The following CD2AP variants were observed in gnomAD, a reference collection of about 807,000 sequenced individuals.
CD2AP encodes the protein CD2-associated protein.
CD2AP carries 46 observed loss-of-function variants against 85.1 expected under a neutral mutation model. That is an observed-to-expected ratio of 0.54 (90% CI 0.43 to 0.69). The LOEUF is 0.69. Ranked by LOEUF, CD2AP falls within the 30% of genes least tolerant of loss-of-function variation. The pLI, the probability that CD2AP is intolerant of heterozygous loss-of-function variation, is 0.00. For synonymous variants in CD2AP, 255 were observed against 252.9 expected (o/e 1.01, Z -0.08); for missense variants, 769 against 729.5 (o/e 1.05, Z -0.62).
At chr6:47,607,894 A>T in intron 14 of CD2AP, 33 bp from the exon 15 acceptor site, 1 of 1,425,756 alleles carries the variant, frequency 7.0e-7, no homozygotes, top group Non-Finnish European at 9.9e-7. Flanking sequence ...TCTTTGGTCT[A>T]TTATGTCTCT....
intron 4 of CD2AP, among the ~76,000 whole-genome samples, chr6:47,552,102 C>CT (rs1293190446): frequency 1.3e-5 from 2 of 151,996 alleles, no homozygotes; most frequent in Non-Finnish European, 2.9e-5. Flanking sequence ...TTACAGCCAT[C>CT]TAAGTCTGAA....
chr6:47,609,934 AG>A (rs1424298172), intron 16 of CD2AP, among the ~76,000 whole-genome samples: 1 of 152,150 alleles, frequency 6.6e-6, no homozygotes, highest in African/African-American at 2.4e-5. Flanking sequence ...CTATACATAT[AG>A]TTAACTTAGT....
chr6:47,535,607 G>A (rs1767018470), intron 3 of CD2AP, among the ~76,000 whole-genome samples: 1 of 152,150 alleles, frequency 6.6e-6, no homozygotes, highest in South Asian at 2.1e-4. Flanking sequence ...GTTTCTCAAG[G>A]AAATACAATA....
intron 1 of CD2AP, among the ~76,000 whole-genome samples, chr6:47,500,878 G>C (rs1199324210): frequency 6.6e-6 from 1 of 151,970 alleles, no homozygotes; most frequent in African/African-American, 2.4e-5. Flanking sequence ...CTCCTGAGTA[G>C]CTGGGACTAC....
intron 2 of CD2AP, among the ~76,000 whole-genome samples, chr6:47,505,551 C>T (rs1284680923): frequency 6.8e-5 from 10 of 147,988 alleles, no homozygotes; most frequent in South Asian, 2.2e-4. Flanking sequence ...GGGCACACCT[C>T]CCAGACGGGG....
intron 3 of CD2AP, among the ~76,000 whole-genome samples, chr6:47,540,525 G>GT (rs1181943315): frequency 6.6e-6 from 1 of 151,888 alleles, no homozygotes; most frequent in Non-Finnish European, 1.5e-5. Flanking sequence ...CTATTTAGAT[G>GT]TTTTTATCTA....
chr6:47,562,491 A>G (rs924245234), intron 5 of CD2AP: 3 of 209,142 alleles, frequency 1.4e-5, no homozygotes, highest in African/African-American at 6.8e-5. Flanking sequence ...AATTATAGTA[A>G]TAATTTTTAA....
At position 47,478,032 on chromosome 6, in the gene CD2AP, G is replaced by A. The variant is rs1765346739; in HGVS notation, c.-213G>A. ...GGGAGGCCAGGGGTGAGGAGCTGTC[G>A]CCGCCTTTGCCTCTGCCTCGAGGGC... On this transcript the variant is annotated 5_prime_UTR_variant, in exon 1 of 18. Transcript: ENST00000359314. 1.3e-5 allele frequency: 8 copies of A among 631,608 alleles called. No homozygotes were observed. The highest frequency in any genetic ancestry group is 2.2e-5 in the Non-Finnish European group (8 of 362,222). The allele number at this position is 631,608 out of a possible 1,614,324, so 39.1% of individuals were successfully genotyped here. A position where few individuals can be genotyped will look rare whatever the true frequency, so the allele number is the denominator to read the frequency against.
intron 1 of CD2AP, among the ~76,000 whole-genome samples, chr6:47,485,530 A>C (rs1765546455): frequency 6.6e-6 from 1 of 152,136 alleles, no homozygotes; most frequent in South Asian, 2.1e-4. Context: ...TAAAGTAAAA[A>C]GTTATAGTAA....
intron 17 of CD2AP, among the ~76,000 whole-genome samples, chr6:47,621,921 C>T (rs979480801): frequency 1.8e-4 from 27 of 152,130 alleles, no homozygotes; most frequent in African/African-American, 6.5e-4. Flanking sequence ...ATTATATGCC[C>T]TTAGTCTTCC....
intron 5 of CD2AP, among the ~76,000 whole-genome samples, chr6:47,564,941 T>C (rs1020120097): frequency 6.6e-6 from 1 of 152,098 alleles, no homozygotes; most frequent in Non-Finnish European, 1.5e-5. Context: ...CACAGTCTTT[T>C]AAATTTAATA....
At chr6:47,505,731 C>T (rs1243550369) in intron 2 of CD2AP, among the ~76,000 whole-genome samples, 30 of 75,312 alleles carry the variant, frequency 4.0e-4, no homozygotes, top group Non-Finnish European at 7.0e-4. Context: ...GGGCTCCTCA[C>T]TTCCCAGTAG....
intron 2 of CD2AP, among the ~76,000 whole-genome samples, chr6:47,504,603 G>A (rs997921877): frequency 2.0e-5 from 3 of 152,300 alleles, no homozygotes; most frequent in African/African-American, 7.2e-5. Flanking sequence ...TTGTTATGCA[G>A]TATCACAATT....
chr6:47,481,508 G>A (rs1160841616), intron 1 of CD2AP, among the ~76,000 whole-genome samples: 1 of 152,046 alleles, frequency 6.6e-6, no homozygotes, highest in African/African-American at 2.4e-5. Flanking sequence ...ACCATGCCCA[G>A]CTAATTTTTG....
intron 2 of CD2AP, among the ~76,000 whole-genome samples, chr6:47,516,884 G>A (rs1234691210): frequency 1.3e-5 from 2 of 152,146 alleles, no homozygotes; most frequent in African/African-American, 4.8e-5. Context: ...TATATTTAGT[G>A]CAGCACTTCA....
intron 17 of CD2AP, among the ~76,000 whole-genome samples, chr6:47,619,082 T>TAG (rs1213369534): frequency 2.0e-4 from 30 of 152,270 alleles, no homozygotes; most frequent in Admixed American, 5.2e-4. Context: ...GATAACTAAT[T>TAG]TTTTTCCATA....
chr6:47,505,948 G>A (rs1766150711), intron 2 of CD2AP, among the ~76,000 whole-genome samples: 9 of 87,030 alleles, frequency 1.0e-4, no homozygotes, highest in African/African-American at 2.7e-4. Context: ...GGGCGGAGAC[G>A]CTCCTCACTT....
intron 11 of CD2AP, among the ~76,000 whole-genome samples, chr6:47,583,161 C>G (rs759704116): frequency 2.0e-5 from 3 of 152,110 alleles, no homozygotes; most frequent in Non-Finnish European, 2.9e-5. Context: ...GTACAGAGTT[C>G]CTGTATACTT....
At chr6:47,541,786 A>G (rs553753523) in intron 3 of CD2AP, among the ~76,000 whole-genome samples, 1 of 152,360 alleles carries the variant, frequency 6.6e-6, no homozygotes, top group South Asian at 2.1e-4. Context: ...ATAACTAGGT[A>G]ATGACAACTG....
Sources: gnomAD v4.1 joint callset for allele counts (sites outside exome capture counted in the v4.1 genomes callset) on GRCh38, gnomAD v4.1.1 for gene constraint, MANE v1.5 for transcripts, NCBI Gene and HGNC (gene_info 2026-07-23, HGNC 2026-07-21) for gene names.